Variants in VAV3 observed in about 807,000 individuals in gnomAD.
VAV3 encodes the protein guanine nucleotide exchange factor VAV3.
In VAV3, 94 loss-of-function variants were observed where a neutral mutation model predicts 131.2. The ratio of observed to expected loss-of-function variants is 0.72; its 90% CI spans 0.61 to 0.85. VAV3 has a LOEUF of 0.85. Ranked by LOEUF, VAV3 falls within the 40% of genes least tolerant of loss-of-function variation. The pLI is 0.00. For missense variants in VAV3, 939 were observed against 1,002.7 expected (o/e 0.94, Z 0.86); for synonymous variants, 349 against 342.0 (o/e 1.02, Z -0.22).
chr1:107,642,688 G>C lies in VAV3; in HGVS notation c.1845C>G (p.Pro615=), dbSNP rs780514716. The C allele has an allele frequency of 3.1e-6, 5 of 1,613,294 alleles. No individual in the cohort carries two copies. The highest frequency in any genetic ancestry group is 1.3e-5 in the African/African-American group (1 of 74,828). Reference sequence around the variant, plus strand: ...TATCCCCGGCCTGGAGCTGTAAAGGGGGTCCTTCATGCAGAGCTGGGGGTG... The same window carrying C: ...TATCCCCGGCCTGGAGCTGTAAAGGCGGTCCTTCATGCAGAGCTGGGGGTG... ...GTPPPALHEG[P]PLQLQAGDTV... The change falls in exon 20 of 27, where the codon CCC becomes CCG. Residue 615 remains proline, a synonymous_variant. Coordinates refer to ENST00000370056, the MANE Select transcript of VAV3 (RefSeq NM_006113.5).
intron 1 of VAV3, among the ~76,000 whole-genome samples, chr1:107,919,394 A>G (rs12727883): frequency 6.6e-6 from 1 of 152,230 alleles, no homozygotes; most frequent in Non-Finnish European, 1.5e-5. Context: ...CATGTGGCTG[A>G]TAAGTTCTGA....
intron 15 of VAV3, among the ~76,000 whole-genome samples, chr1:107,733,929 T>C (rs935050032): frequency 6.6e-6 from 1 of 151,576 alleles, no homozygotes. Flanking sequence ...AAGGTTGAAA[T>C]GAAGGAAAAC....
intron 1 of VAV3, among the ~76,000 whole-genome samples, chr1:107,939,804 G>A (rs575235673): frequency 9.4e-4 from 143 of 152,094 alleles, no homozygotes; most frequent in Non-Finnish European, 1.8e-3. Flanking sequence ...ATACAAAGAC[G>A]AATTACTAAA....
At chr1:107,811,335 G>A (rs1667306766) in intron 2 of VAV3, among the ~76,000 whole-genome samples, 2 of 152,116 alleles carry the variant, frequency 1.3e-5, no homozygotes. Flanking sequence ...ATCTGCACAG[G>A]GTAAGATACT....
At chr1:107,878,371 A>G (rs1670607712) in intron 1 of VAV3, among the ~76,000 whole-genome samples, 1 of 152,182 alleles carries the variant, frequency 6.6e-6, no homozygotes, top group African/African-American at 2.4e-5. Context: ...ACTAGGATCC[A>G]GTCATGTTTT....
chr1:107,901,581 A>G (rs1671857798), intron 1 of VAV3, among the ~76,000 whole-genome samples: 1 of 152,238 alleles, frequency 6.6e-6, no homozygotes, highest in Non-Finnish European at 1.5e-5. Context: ...GAAGTTATGT[A>G]GTGCCCAACA....
At chr1:107,864,302 A>T (rs1669879100) in intron 2 of VAV3, among the ~76,000 whole-genome samples, 1 of 152,218 alleles carries the variant, frequency 6.6e-6, no homozygotes, top group Non-Finnish European at 1.5e-5. Flanking sequence ...AATGTGCTTT[A>T]TAACTTATAT....
At chr1:107,800,216 T>C (rs1666761878) in intron 2 of VAV3, among the ~76,000 whole-genome samples, 1 of 152,326 alleles carries the variant, frequency 6.6e-6, no homozygotes, top group Admixed American at 6.5e-5. Flanking sequence ...TAGTCAGTAA[T>C]ATAAGTGCTA....
intron 2 of VAV3, among the ~76,000 whole-genome samples, chr1:107,824,770 T>C (rs1349359496): frequency 6.6e-6 from 1 of 152,116 alleles, no homozygotes; most frequent in Non-Finnish European, 1.5e-5. Flanking sequence ...TTATAATCAC[T>C]AGTAATAACT....
intron 26 of VAV3, 32 bp downstream of exon 26, chr1:107,574,015 C>G: frequency 6.2e-7 from 1 of 1,609,232 alleles, no homozygotes; most frequent in Middle Eastern, 1.7e-4. Context: ...CCTTCTTTCA[C>G]ATGCACCAGC....
chr1:107,848,360 G>T (rs2100945432), intron 2 of VAV3, among the ~76,000 whole-genome samples: 1 of 150,320 alleles, frequency 6.7e-6, no homozygotes, highest in Non-Finnish European at 1.5e-5. Flanking sequence ...AGCAGCACAT[G>T]AAAAAGCTTG....
At chr1:107,778,480 G>A (rs1327976118) in intron 3 of VAV3, among the ~76,000 whole-genome samples, 1 of 152,150 alleles carries the variant, frequency 6.6e-6, no homozygotes, top group Non-Finnish European at 1.5e-5. Flanking sequence ...CAAATTAGGA[G>A]TTAAACATTT....
chr1:107,585,481 G>T (rs922361382), intron 25 of VAV3, among the ~76,000 whole-genome samples: 4 of 152,078 alleles, frequency 2.6e-5, no homozygotes, highest in African/African-American at 7.2e-5. Flanking sequence ...AAAAGCTAAA[G>T]TCCTTTAGGG....
Position 107,772,732 on chromosome 1 carries a change from T to C in VAV3, c.555+3A>G. On this transcript the variant is annotated splice_donor_region_variant and intron_variant, in intron 5 of 26. Coordinates refer to ENST00000370056, the MANE Select transcript of VAV3 (RefSeq NM_006113.5). ...TAACTTTAAAAACAAGTAAAAGTCC[T>C]ACGGGCTGATGTGCTTCCTCTGCCT... The C allele has an allele frequency of 1.2e-6, 2 of 1,609,948 alleles. No homozygotes were observed. The highest frequency in any genetic ancestry group is 1.7e-6 in the Non-Finnish European group (2 of 1,177,894).
chr1:107,711,265 G>A (rs965633242), intron 15 of VAV3, among the ~76,000 whole-genome samples: 3 of 152,206 alleles, frequency 2.0e-5, no homozygotes, highest in African/African-American at 7.2e-5. Context: ...GCAAAGAAAT[G>A]CAGTAATATG....
At chr1:107,877,554 C>G (rs1343664766) in intron 1 of VAV3, among the ~76,000 whole-genome samples, 3 of 152,092 alleles carry the variant, frequency 2.0e-5, no homozygotes, top group South Asian at 2.1e-4. Context: ...TAAAAAGAGG[C>G]CTTCCCCTTA....
Position 107,603,038 on chromosome 1 carries a change from C to T in VAV3, c.2132+9G>A. 6.3e-7 allele frequency: 1 copy of T among 1,591,398 alleles called. No homozygotes were observed. Among genetic ancestry groups the T allele is most frequent in the African/African-American group, 1.3e-5 (1 of 74,544 alleles). On this transcript the variant is annotated intron_variant, in intron 23 of 26. Coordinates refer to ENST00000370056, the MANE Select transcript of VAV3 (RefSeq NM_006113.5). The stretch of plus-strand genomic sequence containing the variant: ...AATCTATTTCTGTAAAAGTACTTGT[C>T]CTACTTACTTAATGCTAATTGCATA...
At chr1:107,811,183 A>C (rs1003623340) in intron 2 of VAV3, among the ~76,000 whole-genome samples, 10 of 152,324 alleles carry the variant, frequency 6.6e-5, no homozygotes, top group Admixed American at 6.5e-4. Flanking sequence ...ACACTCAGAA[A>C]AAAAAGTCTT....
chr1:107,770,828 C>A, intron 5 of VAV3, 100 bp from the exon 6 acceptor site: 1 of 903,712 alleles, frequency 1.1e-6, no homozygotes, highest in Admixed American at 2.5e-5. Context: ...TTAAACTTTC[C>A]TTTCTAATAC....
Sources: gnomAD v4.1 joint callset for allele counts (sites outside exome capture counted in the v4.1 genomes callset) on GRCh38, gnomAD v4.1.1 for gene constraint, MANE v1.5 for transcripts, NCBI Gene and HGNC (gene_info 2026-07-23, HGNC 2026-07-21) for gene names.